Variants in FAM98B observed in about 807,000 individuals in gnomAD.
The protein encoded by FAM98B is tRNA splicing ligase complex subunit 3B.
A neutral mutation model predicts 43.9 loss-of-function variants in FAM98B; 32 were observed. The ratio of observed to expected loss-of-function variants is 0.73; its 90% confidence interval spans 0.55 to 0.98. The LOEUF is 0.98. Among genes scored for constraint, FAM98B ranks in the 50% least tolerant of loss-of-function variants. FAM98B has a pLI of 0.00. For missense variants in FAM98B, 514 were observed against 522.9 expected (o/e 0.98, Z 0.17); for synonymous variants, 190 against 174.0 (o/e 1.09, Z -0.72).
chr15:38,467,457 A>G (rs1388928641), intron 3 of FAM98B, among the ~76,000 whole-genome samples: 1 of 152,204 alleles, frequency 6.6e-6, no homozygotes, highest in Non-Finnish European at 1.5e-5. Context: ...GATGCACAAT[A>G]TCACTTATGA....
chr15:38,476,349 A>T (rs1890200075), intron 6 of FAM98B, among the ~76,000 whole-genome samples: 1 of 150,936 alleles, frequency 6.6e-6, no homozygotes, highest in Non-Finnish European at 1.5e-5. Context: ...GTTGGTCTGA[A>T]TTTTTTTTCA....
At chr15:38,458,865 C>T (rs2141051174) in intron 1 of FAM98B, 2 of 464,768 alleles carry the variant, frequency 4.3e-6, no homozygotes, top group East Asian at 5.7e-5. Flanking sequence ...CAGGACTGCA[C>T]AGGCACTGCA....
chr15:38,480,261 A>G (rs1890263320), intron 6 of FAM98B, among the ~76,000 whole-genome samples: 1 of 151,944 alleles, frequency 6.6e-6, no homozygotes, highest in Non-Finnish European at 1.5e-5. Flanking sequence ...GTGCTGTATT[A>G]TTGTTATTAT....
At chr15:38,458,158 G>A (rs74407076) in intron 1 of FAM98B, among the ~76,000 whole-genome samples, 10,122 of 152,158 alleles carry the variant, frequency 0.067, 507 homozygotes, top group East Asian at 0.17. Context: ...AGAGGCAAGC[G>A]TAGCTTTTGG....
At chr15:38,468,547 G>T (rs1356765292) in intron 3 of FAM98B, among the ~76,000 whole-genome samples, 1 of 152,164 alleles carries the variant, frequency 6.6e-6, no homozygotes, top group African/African-American at 2.4e-5. Flanking sequence ...AAGTCAGAAG[G>T]ACCTTAGTAT....
chr15:38,454,539 C>T (rs1406809382), intron 1 of FAM98B, among the ~76,000 whole-genome samples: 1 of 152,252 alleles, frequency 6.6e-6, no homozygotes, highest in East Asian at 1.9e-4. Flanking sequence ...TCTGGGCTAG[C>T]TCGCGCCCGC....
At chr15:38,467,519 G>T (rs181726379) in intron 3 of FAM98B, among the ~76,000 whole-genome samples, 3 of 152,250 alleles carry the variant, frequency 2.0e-5, no homozygotes, top group Admixed American at 6.5e-5. Flanking sequence ...GGGGGAGTAA[G>T]CCTTTTCGTA....
rs181679293 is a variant in FAM98B, at chr15:38,454,870, C to G, written c.71+638C>G. On this transcript the variant is annotated intron_variant, in intron 1 of 7. Transcript: ENST00000397609. ...TTACATAGTCGCGCAGGCTGCAAGT[C>G]TGCTGCCGGCTGGTATTTACAGTGC... 2.7e-3 allele frequency among the ~76,000 whole-genome samples: 406 copies of G among 152,326 alleles called. 1 individual carries two copies. Among genetic ancestry groups the G allele is most frequent in the African/African-American group, 9.3e-3 (387 of 41,570 alleles).
chr15:38,481,408 T>G lies in FAM98B; in HGVS notation c.846T>G (p.Ile282Met). 1 of 1,614,210 alleles carries G rather than the reference T, an allele frequency of 6.2e-7. No individual in the cohort carries two copies. The highest frequency in any genetic ancestry group is 8.5e-7 in the Non-Finnish European group (1 of 1,180,034). ...LAAREDLSKI[I>M]RTSSGTSREK... is the part of the protein sequence containing the mutation. ...CTCGTGAAGATCTATCCAAGATCAT[T>G]AGGACAAGTAGTGGCACCAGCCGGG... The change falls in exon 7 of 8, where the codon ATT becomes ATG. Residue 282 changes from isoleucine (I) to methionine (M), a missense_variant. By Grantham distance (10) the Ile-to-Met change is conservative. Transcript: ENST00000397609.
In FAM98B at chr15:38,486,480, C is replaced by T. The variant is rs1722975883; in HGVS notation, c.*1821C>T. ...GATGAAGGAGATTTACAACTACTTT[C>T]AACTTTTTTACCACTAAAGGTTTAT... On this transcript the variant is annotated 3_prime_UTR_variant, in exon 8 of 8. Coordinates refer to ENST00000397609, the MANE Select transcript of FAM98B (RefSeq NM_173611.4). 6.6e-6 allele frequency: 1 copy of T among 152,074 alleles called. No homozygotes were observed. The highest frequency in any genetic ancestry group is 2.1e-4 in the South Asian group (1 of 4,832). The allele number at this position is 152,074 out of a possible 1,614,324, so 9.4% of individuals were successfully genotyped here.
chr15:38,471,145 C>CA (rs1175995949), intron 4 of FAM98B, among the ~76,000 whole-genome samples: 9 of 151,996 alleles, frequency 5.9e-5, no homozygotes, highest in African/African-American at 2.2e-4. Flanking sequence ...AGAATAAGTA[C>CA]ATAACTCCAT....
At chr15:38,476,337 G>A (rs1201162357) in intron 6 of FAM98B, among the ~76,000 whole-genome samples, 1 of 151,708 alleles carries the variant, frequency 6.6e-6, no homozygotes, top group East Asian at 1.9e-4. Flanking sequence ...TGCACAATAT[G>A]TGTTGGTCTG....
In FAM98B at chr15:38,472,221, A is replaced by T. The variant is rs74518327; in HGVS notation, c.532-1284A>T. Among the ~76,000 whole-genome samples the T allele has an allele frequency of 1.4e-3, 214 of 152,292 alleles. 1 individual carries two copies. Among genetic ancestry groups the T allele is most frequent in the African/African-American group, 4.9e-3 (203 of 41,594 alleles). On this transcript the variant is annotated intron_variant, in intron 4 of 7. Coordinates refer to ENST00000397609, the MANE Select transcript of FAM98B (RefSeq NM_173611.4). Reference sequence around the variant, plus strand: ...TGATTACACGTAACAAACTACAAGTATACATTGAGAATTCCTCTGGAGTGA... The same window carrying T: ...TGATTACACGTAACAAACTACAAGTTTACATTGAGAATTCCTCTGGAGTGA...
intron 1 of FAM98B, among the ~76,000 whole-genome samples, chr15:38,458,235 T>G (rs769120832): frequency 2.6e-5 from 4 of 152,232 alleles, no homozygotes; most frequent in Admixed American, 6.5e-5. Flanking sequence ...CAGAAATGTC[T>G]TATTTTTGTC....
chr15:38,459,469 A>G, intron 1 of FAM98B: 1 of 348,710 alleles, frequency 2.9e-6, no homozygotes. Context: ...GAGGGCTTGG[A>G]GACCAGGCCT....
intron 2 of FAM98B, among the ~76,000 whole-genome samples, chr15:38,464,922 C>T (rs11856370): frequency 0.46 from 69,966 of 151,930 alleles, 16,569 homozygotes; most frequent in South Asian, 0.55. Context: ...GTTCACTTGA[C>T]GCAAAGTAAA....
intron 6 of FAM98B, among the ~76,000 whole-genome samples, chr15:38,480,214 C>G (rs1456749889): frequency 6.6e-6 from 1 of 152,094 alleles, no homozygotes; most frequent in African/African-American, 2.4e-5. Flanking sequence ...AAACAGTTAA[C>G]TTTTTGTTCT....
chr15:38,455,944 C>T (rs1889841318), intron 1 of FAM98B, among the ~76,000 whole-genome samples: 1 of 152,152 alleles, frequency 6.6e-6, no homozygotes, highest in Non-Finnish European at 1.5e-5. Flanking sequence ...AGTTTGAATT[C>T]TCCTATGATA....
intron 7 of FAM98B, chr15:38,481,718 G>A (rs1890290836): frequency 1.9e-6 from 2 of 1,080,786 alleles, no homozygotes; most frequent in African/African-American, 1.6e-5. Flanking sequence ...CAAGAATTAT[G>A]TTCCATCTTT....
Sources: allele counts gnomAD v4.1 joint callset (sites outside exome capture counted in the v4.1 genomes callset), GRCh38; gene constraint gnomAD v4.1.1; transcripts MANE v1.5; gene names NCBI Gene and HGNC (gene_info 2026-07-23, HGNC 2026-07-21).